DCUN1D1: variants seen among roughly 807,000 people sequenced by gnomAD.
The protein encoded by DCUN1D1 is defective in cullin neddylation 1 domain containing 1.
DCUN1D1 carries 3 observed loss-of-function variants against 39.0 expected under a neutral mutation model. That is an observed-to-expected ratio of 0.08 (90% CI 0.04 to 0.20). DCUN1D1 has a LOEUF of 0.20. DCUN1D1 is among the 10% of genes least tolerant of loss of function. The probability of loss-of-function intolerance (pLI) is 1.00; values close to 1 mark genes in which losing one functional copy is unlikely to be tolerated. For missense variants in DCUN1D1, 158 were observed against 302.4 expected (o/e 0.52, Z 3.54); for synonymous variants, 82 against 96.3 (o/e 0.85, Z 0.87).
At chr3:182,976,057 C>CA (rs1407438747) in intron 1 of DCUN1D1, among the ~76,000 whole-genome samples, 1 of 152,044 alleles carries the variant, frequency 6.6e-6, no homozygotes, top group Non-Finnish European at 1.5e-5. Context: ...AACAATCTAT[C>CA]AAAGAGGTTT....
chr3:182,963,044 T>A (rs1175118344), intron 3 of DCUN1D1, among the ~76,000 whole-genome samples: 1 of 152,142 alleles, frequency 6.6e-6, no homozygotes, highest in Non-Finnish European at 1.5e-5. Flanking sequence ...CCTCCCAAAG[T>A]GCTGGAACTA....
chr3:182,973,030 G>A (rs78142892), intron 1 of DCUN1D1, among the ~76,000 whole-genome samples: 7,773 of 151,312 alleles, frequency 0.051, 668 homozygotes, highest in African/African-American at 0.18. Context: ...CAAGAAGAGC[G>A]AAACTCCGTC....
At position 182,940,358 on chromosome 3, in the gene DCUN1D1, C is replaced by T. The variant is rs953579268; in HGVS notation, c.*4736G>A. 4 of 152,176 alleles carry T rather than the reference C, an allele frequency of 2.6e-5. No homozygotes were observed. In the East Asian group the frequency reaches 5.8e-4, roughly 22 times the overall value. 9.4% of individuals were successfully genotyped at this position (152,176 alleles called of 1,614,324 possible). A position where few individuals can be genotyped will look rare whatever the true frequency, so the allele number is the denominator to read the frequency against. On this transcript the variant is annotated 3_prime_UTR_variant, in exon 7 of 7. Transcript: ENST00000292782. Reference sequence around the variant, plus strand: ...GTTTGTTTGCTCATTAAGCCACTTACATGCTGCCCCTAAGTTTCAAACACT... The same window carrying T: ...GTTTGTTTGCTCATTAAGCCACTTATATGCTGCCCCTAAGTTTCAAACACT...
rs1285606065 is a variant in DCUN1D1, at chr3:182,941,270, T to C, written c.*3824A>G. 1 of 152,132 alleles carries C rather than the reference T, an allele frequency of 6.6e-6. No homozygotes were observed. The highest frequency in any genetic ancestry group is 1.5e-5 in the Non-Finnish European group (1 of 67,980). 9.4% of individuals were successfully genotyped at this position (152,132 alleles called of 1,614,324 possible). ...CAAAGATAAACCTGGAAAAGGGCAT[T>C]TGTACTATTAGGAACTTTCTCATTT... is the stretch of plus-strand genomic sequence containing the variant. On this transcript the variant is annotated 3_prime_UTR_variant, in exon 7 of 7. Coordinates refer to ENST00000292782, the MANE Select transcript of DCUN1D1 (RefSeq NM_020640.4).
At chr3:182,964,192 T>G (rs1224596483) in intron 2 of DCUN1D1, 143 bp from the exon 3 acceptor site, 1 of 603,392 alleles carries the variant, frequency 1.7e-6, no homozygotes, top group Non-Finnish European at 2.8e-6. Flanking sequence ...AACATACACT[T>G]TCCCATTATT....
In DCUN1D1 at chr3:182,939,026, A is replaced by C. The variant is rs754182805; in HGVS notation, c.*6068T>G. On this transcript the variant is annotated 3_prime_UTR_variant, in exon 7 of 7. Coordinates refer to ENST00000292782, the MANE Select transcript of DCUN1D1 (RefSeq NM_020640.4). ...GGAAGTATTATTATTACCCTCACTG[A>C]CTACAGAAAATACTACCTCCAAGAG... 2.6e-5 allele frequency: 4 copies of C among 152,244 alleles called. No individual in the cohort carries two copies. The highest frequency in any genetic ancestry group is 5.9e-5 in the Non-Finnish European group (4 of 68,046). The allele number at this position is 152,244 out of a possible 1,614,324, so 9.4% of individuals were successfully genotyped here.
intron 6 of DCUN1D1, 98 bp from the exon 7 acceptor site, chr3:182,945,271 A>T: frequency 1.1e-6 from 1 of 920,350 alleles, no homozygotes; most frequent in Middle Eastern, 2.2e-4. Context: ...CTTCCTCATA[A>T]GCGTTAAAGT....
At chr3:182,982,189 T>C (rs908673368), upstream of DCUN1D1, among the ~76,000 whole-genome samples, 8 of 152,198 alleles carry the variant, frequency 5.3e-5, no homozygotes, top group African/African-American at 1.9e-4. Flanking sequence ...TCCTTGAATT[T>C]CCTGTTCATT....
chr3:182,951,395 A>C (rs1266595197), intron 4 of DCUN1D1, among the ~76,000 whole-genome samples: 1 of 152,062 alleles, frequency 6.6e-6, no homozygotes, highest in Non-Finnish European at 1.5e-5. Flanking sequence ...TAAGAATTTG[A>C]CAAAAGTAAA....
Position 182,938,524 on chromosome 3 carries a change from G to A in DCUN1D1, c.*6570C>T, listed in dbSNP as rs375468961. The stretch of plus-strand genomic sequence containing the variant: ...ACAAATGAAATGATTTGCTATCTGG[G>A]ATTTGCTTCAAAATAAATAGGGGTT... On this transcript the variant is annotated 3_prime_UTR_variant, in exon 7 of 7. Transcript: ENST00000292782. The A allele has an allele frequency of 4.7e-4, 72 of 152,072 alleles. No individual in the cohort carries two copies. The highest frequency in any genetic ancestry group is 1.7e-3 in the African/African-American group (70 of 41,386). The allele number at this position is 152,072 out of a possible 1,614,324, so 9.4% of individuals were successfully genotyped here.
At chr3:182,946,592 A>G (rs1726419859) in intron 6 of DCUN1D1, among the ~76,000 whole-genome samples, 1 of 151,642 alleles carries the variant, frequency 6.6e-6, no homozygotes, top group African/African-American at 2.4e-5. Flanking sequence ...ACTGAACTTA[A>G]GGAATTTACA....
intron 4 of DCUN1D1, among the ~76,000 whole-genome samples, chr3:182,949,455 C>T (rs1346101818): frequency 6.6e-6 from 1 of 152,128 alleles, no homozygotes; most frequent in Non-Finnish European, 1.5e-5. Context: ...TGCAGTGGCT[C>T]ATGCCTGTAA....
At chr3:182,980,150 C>T (rs1044488202) in intron 1 of DCUN1D1, 2 of 776,072 alleles carry the variant, frequency 2.6e-6, no homozygotes, top group African/African-American at 1.9e-5. Context: ...CCGTTGCCCC[C>T]TCCCCTCCCC....
At chr3:182,962,717 C>T (rs972951501) in intron 3 of DCUN1D1, among the ~76,000 whole-genome samples, 3 of 152,150 alleles carry the variant, frequency 2.0e-5, no homozygotes, top group African/African-American at 7.2e-5. Context: ...TCCTTTTATC[C>T]CTTTGACAGA....
chr3:182,954,994 T>C (rs998021117), intron 4 of DCUN1D1, among the ~76,000 whole-genome samples: 4 of 152,202 alleles, frequency 2.6e-5, no homozygotes, highest in African/African-American at 9.7e-5. Context: ...TCACAGTATC[T>C]TTTGTGAAAT....
rs1726220964 is a variant in DCUN1D1, at chr3:182,943,198, C to T, written c.*1896G>A. The T allele has an allele frequency of 1.4e-5, 2 of 140,978 alleles. No homozygotes were observed. The highest frequency in any genetic ancestry group is 7.1e-5 in the Admixed American group (1 of 13,996). The allele number at this position is 140,978 out of a possible 1,614,324, so 8.7% of individuals were successfully genotyped here. On this transcript the variant is annotated 3_prime_UTR_variant, in exon 7 of 7. Coordinates refer to ENST00000292782, the MANE Select transcript of DCUN1D1 (RefSeq NM_020640.4). The stretch of plus-strand genomic sequence containing the variant: ...AATTAATCAATCTGAAACCAATAAC[C>T]ATAACTCAAAATCTTCAAGACAGGA...
chr3:182,977,299 A>C (rs914995852), intron 1 of DCUN1D1, among the ~76,000 whole-genome samples: 3 of 152,216 alleles, frequency 2.0e-5, no homozygotes, highest in African/African-American at 7.2e-5. Context: ...ATGATCTCTG[A>C]GTCTATTTCA....
At position 182,945,055 on chromosome 3, in the gene DCUN1D1, T is replaced by C. The variant is rs757847059; in HGVS notation, c.*39A>G. The C allele has an allele frequency of 3.9e-6, 6 of 1,521,872 alleles. No individual in the cohort carries two copies. Among genetic ancestry groups the C allele is most frequent in the Non-Finnish European group, 4.5e-6 (5 of 1,099,578 alleles). The allele number at this position is 1,521,872 out of a possible 1,614,324, so 94.3% of individuals were successfully genotyped here. On this transcript the variant is annotated 3_prime_UTR_variant, in exon 7 of 7. Transcript: ENST00000292782. ...ACTGTGCAATTTTCTGTTGTATTTA[T>C]TGTACAGACTATGTACATTCTAGAA...
At chr3:182,971,334 G>A (rs1003858094) in intron 1 of DCUN1D1, among the ~76,000 whole-genome samples, 4 of 152,138 alleles carry the variant, frequency 2.6e-5, no homozygotes, top group Non-Finnish European at 5.9e-5. Context: ...GGAGGCCAAG[G>A]CAAGAGGAAC....
Sources: gnomAD v4.1 joint callset for allele counts (sites outside exome capture counted in the v4.1 genomes callset) on GRCh38, gnomAD v4.1.1 for gene constraint, MANE v1.5 for transcripts, NCBI Gene and HGNC (gene_info 2026-07-23, HGNC 2026-07-21) for gene names.